The following AFF1 variants were observed in gnomAD, a reference collection of about 807,000 sequenced individuals.
AFF1 encodes the protein AF4/FMR2 family member 1.
AFF1 carries 48 observed loss-of-function variants against 121.7 expected under a neutral mutation model. The ratio of observed to expected loss-of-function variants is 0.39; its 90% CI spans 0.31 to 0.50. The LOEUF is 0.50. AFF1 is among the 20% of genes least tolerant of loss of function. The pLI, the probability that AFF1 is intolerant of heterozygous loss-of-function variation, is 0.76. For missense variants in AFF1, 1,523 were observed against 1,511.7 expected, an observed-to-expected ratio of 1.01 and a Z score of -0.12; for synonymous variants, 613 against 563.0, an observed-to-expected ratio of 1.09 and a Z score of -1.26.
chr4:86,937,469 A>G (rs981502233), intron 1 of AFF1, among the ~76,000 whole-genome samples: 1 of 152,212 alleles, frequency 6.6e-6, no homozygotes, highest in Non-Finnish European at 1.5e-5. Context: ...GAGCTGGTTG[A>G]GGTGAAAGTT....
chr4:87,122,253 G>A (rs765903119), intron 12 of AFF1, among the ~76,000 whole-genome samples: 1 of 152,186 alleles, frequency 6.6e-6, no homozygotes, highest in African/African-American at 2.4e-5. Context: ...TGGGCCGTTT[G>A]GTAACAGGGT....
chr4:87,010,802 C>A (rs1056852920), intron 2 of AFF1, among the ~76,000 whole-genome samples: 1 of 152,102 alleles, frequency 6.6e-6, no homozygotes, highest in Non-Finnish European at 1.5e-5. Flanking sequence ...AAAAAAATCA[C>A]CTGGGCCGGG....
At chr4:87,002,425 G>GTTTTTTTTTTTTTTTTTTTTTTTTTT (rs3035506) in intron 2 of AFF1, among the ~76,000 whole-genome samples, 1 of 68,140 alleles carries the variant, frequency 1.5e-5, no homozygotes, top group Non-Finnish European at 2.8e-5. Flanking sequence ...GGGCAATGAA[G>GTTTTTTTTTTTTTTTTTTTTTTTTTT]TTTTTTTTTT....
intron 2 of AFF1, among the ~76,000 whole-genome samples, chr4:86,998,098 C>CAAAAAAAAAAAAAAAAAAAAAAAAA (rs56741955): frequency 2.2e-5 from 2 of 91,746 alleles, no homozygotes; most frequent in African/African-American, 4.3e-5. Context: ...AACTCCGTCT[C>CAAAAAAAAAAAAAAAAAAAAAAAAA]AAAAAAAAAA....
chr4:86,950,262 TCTGCCTCCCGGGTTCAAGGGATTCCC>T (rs1299691832), intron 2 of AFF1: 11 of 767,580 alleles, frequency 1.4e-5, no homozygotes, highest in Non-Finnish European at 2.5e-5. Context: ...CACTGCAACC[TCTGCCTCCCGGGTTCAAGGGATTCCC>T]CTGCCTCAGC....
chr4:87,094,575 A>G (rs236686), intron 7 of AFF1, among the ~76,000 whole-genome samples: 121,595 of 152,120 alleles, frequency 0.8, 48,698 homozygotes, highest in African/African-American at 0.83. Context: ...GTCACATGGG[A>G]CCCAGGGCGC....
At chr4:86,985,181 C>CATATA (rs1553912829) in intron 2 of AFF1, among the ~76,000 whole-genome samples, 1 of 96,518 alleles carries the variant, frequency 1.0e-5, no homozygotes, top group Non-Finnish European at 1.9e-5. Context: ...ATATGTATTA[C>CATATA]TATATATATA....
chr4:86,979,104 T>C (rs532847639), intron 2 of AFF1, among the ~76,000 whole-genome samples: 27 of 152,170 alleles, frequency 1.8e-4, no homozygotes, highest in African/African-American at 5.5e-4. Context: ...CTGCCTCTCT[T>C]TTTATTTTTT....
intron 11 of AFF1, among the ~76,000 whole-genome samples, chr4:87,109,301 CTT>C (rs1250569585): frequency 6.6e-6 from 1 of 152,160 alleles, no homozygotes; most frequent in African/African-American, 2.4e-5. Context: ...TGTAGGGAGA[CTT>C]AAGGGTCTTG....
At chr4:87,046,425 A>G in intron 3 of AFF1, 139 bp downstream of exon 3, 1 of 1,322,948 alleles carries the variant, frequency 7.6e-7, no homozygotes, top group South Asian at 1.5e-5. Context: ...TATTCTAGAG[A>G]TTTTTGAAAA....
intron 2 of AFF1, among the ~76,000 whole-genome samples, chr4:86,982,220 T>G (rs1223064856): frequency 6.6e-6 from 1 of 152,028 alleles, no homozygotes; most frequent in Non-Finnish European, 1.5e-5. Flanking sequence ...TAGAGAAACT[T>G]GCAGAGAGAT....
At chr4:87,042,028 A>AT (rs1338899612) in intron 2 of AFF1, among the ~76,000 whole-genome samples, 1 of 151,204 alleles carries the variant, frequency 6.6e-6, no homozygotes, top group African/African-American at 2.4e-5. Context: ...AAAAAAAAAA[A>AT]GTTGCTACAG....
chr4:86,998,878 A>G (rs1215553366), intron 2 of AFF1, among the ~76,000 whole-genome samples: 1 of 152,186 alleles, frequency 6.6e-6, no homozygotes, highest in African/African-American at 2.4e-5. Context: ...GTATCTCAAG[A>G]AATCTCTGGG....
Position 86,996,722 on chromosome 4 carries a change from TA to T in AFF1, c.38+48155del, listed in dbSNP as rs558000004. Among the ~76,000 whole-genome samples the T allele has an allele frequency of 2.6e-3, 390 of 150,350 alleles. 4 individuals carry two copies. Among genetic ancestry groups the T allele is most frequent in the African/African-American group, 8.5e-3 (342 of 40,086 alleles). On this transcript the variant is annotated intron_variant, in intron 2 of 20. Coordinates refer to ENST00000395146, the MANE Select transcript of AFF1 (RefSeq NM_001166693.3). ...TGAGAAACACCCAAGAATGATCAATTAAAACAAACAAACAAACAAAAAAACC... is the reference window on the plus strand; with the variant it reads ...TGAGAAACACCCAAGAATGATCAATTAAACAAACAAACAAACAAAAAAACC...
At chr4:86,955,339 G>C (rs934518153) in intron 2 of AFF1, among the ~76,000 whole-genome samples, 1 of 152,208 alleles carries the variant, frequency 6.6e-6, no homozygotes, top group African/African-American at 2.4e-5. Flanking sequence ...TGAATAAATT[G>C]TTCAAACGCC....
intron 1 of AFF1, among the ~76,000 whole-genome samples, chr4:86,947,874 T>C (rs1179904450): frequency 1.3e-5 from 2 of 151,894 alleles, no homozygotes; most frequent in East Asian, 1.9e-4. Context: ...AATCTTAAGA[T>C]TGATTGTCAC....
rs1156817444 is a variant in AFF1 at position 87,022,543 on chromosome 4, G to GAT, written c.39-23584_39-23583dup. ...ACGATGTTTTCTTCCCGTGCTTACA[G>GAT]ATATATATATATATATATATATATA... On this transcript the variant is annotated intron_variant, in intron 2 of 20. Transcript: ENST00000395146. Among the ~76,000 whole-genome samples, 182 of 80,122 alleles carry GAT rather than the reference G, an allele frequency of 2.3e-3. 2 individuals carry two copies. Among genetic ancestry groups the GAT allele is most frequent in the African/African-American group, 6.8e-3 (161 of 23,822 alleles). The allele number at this position is 80,122 out of a possible 152,430, so 52.6% of individuals were successfully genotyped here. A position where few individuals can be genotyped will look rare whatever the true frequency, so the allele number is the denominator to read the frequency against.
At chr4:86,959,063 A>G (rs1721958890) in intron 2 of AFF1, among the ~76,000 whole-genome samples, 1 of 152,218 alleles carries the variant, frequency 6.6e-6, no homozygotes, top group Non-Finnish European at 1.5e-5. Context: ...CAGGGATGTT[A>G]TTAAACATCT....
intron 2 of AFF1, among the ~76,000 whole-genome samples, chr4:86,994,613 C>A (rs1002850959): frequency 1.3e-5 from 2 of 152,200 alleles, no homozygotes; most frequent in Admixed American, 6.5e-5. Flanking sequence ...AACAAGCAAA[C>A]ACTCCCCTTG....
Sources: allele counts gnomAD v4.1 joint callset (sites outside exome capture counted in the v4.1 genomes callset), GRCh38; gene constraint gnomAD v4.1.1; transcripts MANE v1.5; gene names NCBI Gene and HGNC (gene_info 2026-07-23, HGNC 2026-07-21).